PRUNE2: variants seen among roughly 807,000 people sequenced by gnomAD.
PRUNE2 encodes protein prune homolog 2.
In PRUNE2, 164 loss-of-function variants were observed where a neutral mutation model predicts 252.0. The ratio of observed to expected loss-of-function variants is 0.65; its 90% CI spans 0.57 to 0.74. The LOEUF (loss-of-function observed/expected upper bound fraction) is 0.74. Ranked by LOEUF, PRUNE2 falls within the 30% of genes least tolerant of loss-of-function variation. The pLI, the probability that PRUNE2 is intolerant of heterozygous loss-of-function variation, is 0.00. For synonymous variants in PRUNE2, 1,292 were observed against 1,350.2 expected (o/e 0.96, Z 0.94); for missense variants, 3,495 against 3,711.0 (o/e 0.94, Z 1.51).
At chr9:76,701,769 C>T (rs1216440723) in intron 9 of PRUNE2, among the ~76,000 whole-genome samples, 1 of 152,158 alleles carries the variant, frequency 6.6e-6, no homozygotes, top group Non-Finnish European at 1.5e-5. Flanking sequence ...TTCCATTGTC[C>T]TTGTTCCTTT....
At chr9:76,774,450 C>CTTTTTTTTTTTTTTTTTTTTTTT (rs869289049) in intron 6 of PRUNE2, among the ~76,000 whole-genome samples, 2 of 41,402 alleles carry the variant, frequency 4.8e-5, no homozygotes, top group African/African-American at 1.9e-4. Context: ...CAGTTCAACC[C>CTTTTTTTTTTTTTTTTTTTTTTT]TTTTTTTTTT....
chr9:76,896,515 T>C (rs1033188973), intron 1 of PRUNE2, among the ~76,000 whole-genome samples: 1 of 152,222 alleles, frequency 6.6e-6, no homozygotes, highest in African/African-American at 2.4e-5. Context: ...CTGTCCTGAA[T>C]TGTGGAAGGA....
chr9:76,731,324 ATTTT>A (rs1181079797), intron 6 of PRUNE2, among the ~76,000 whole-genome samples: 64 of 106,792 alleles, frequency 6.0e-4, no homozygotes, highest in African/African-American at 1.8e-3. Context: ...ATATATATAT[ATTTT>A]TTTTTTTTTT....
Position 76,709,165 on chromosome 9 carries a change from G to A in PRUNE2, c.3109C>T (p.His1037Tyr), listed in dbSNP as rs747137846. Residue 1037 changes from histidine to tyrosine, a missense_variant, in exon 8 of 19, where the codon CAT (histidine) becomes TAT (tyrosine). By Grantham distance (83) the His-to-Tyr change is moderately conservative. Transcript: ENST00000376718. ...PGNLDMWASPHTDNSSEINTT... is the reference protein window; with the variant it reads ...PGNLDMWASPYTDNSSEINTT... ...TTTATTTCAGAACTGTTATCTGTAT[G>A]AGGTGAAGCCCACATGTCTAGGTTC... The A allele has an allele frequency of 1.9e-6, 3 of 1,613,876 alleles. No individual in the cohort carries two copies. The highest frequency in any genetic ancestry group is 2.2e-5 in the South Asian group (2 of 91,084).
chr9:76,771,809 T>C (rs980688171), intron 6 of PRUNE2, among the ~76,000 whole-genome samples: 64 of 152,308 alleles, frequency 4.2e-4, no homozygotes, highest in Middle Eastern at 3.4e-3. Context: ...CTATACTCCG[T>C]GTACTGCCCA....
chr9:76,666,225 G>A (rs961816018), intron 9 of PRUNE2, among the ~76,000 whole-genome samples: 1 of 152,166 alleles, frequency 6.6e-6, no homozygotes, highest in Non-Finnish European at 1.5e-5. Context: ...GGTAGTGTCA[G>A]TGCCAAGGGA....
At chr9:76,890,179 C>A (rs2062381929) in intron 1 of PRUNE2, among the ~76,000 whole-genome samples, 1 of 152,200 alleles carries the variant, frequency 6.6e-6, no homozygotes, top group Admixed American at 6.5e-5. Flanking sequence ...CAGTTTCCAG[C>A]TCTGCAAACT....
chr9:76,706,170 C>T lies in PRUNE2; in HGVS notation c.6104G>A (p.Trp2035Ter). ...TQLIMKPGSE[W>*]DGSTPSEDSR... is the part of the protein sequence containing the mutation. ...GTCCTCACTTGGGGTAGAGCCATCC[C>T]ATTCAGAGCCTGGCTTCATTATCAG... The change falls in exon 8 of 19, where the codon TGG becomes TAG. Residue 2035 changes from tryptophan to a stop codon, truncating the protein, a stop_gained. Transcript: ENST00000376718. LOFTEE classifies it high-confidence loss of function. The T allele has an allele frequency of 2.5e-6, 4 of 1,613,984 alleles. No individual in the cohort carries two copies. The highest frequency in any genetic ancestry group is 3.4e-6 in the Non-Finnish European group (4 of 1,179,884).
intron 6 of PRUNE2, among the ~76,000 whole-genome samples, chr9:76,782,287 C>T (rs1441573721): frequency 1.3e-5 from 2 of 152,198 alleles, no homozygotes; most frequent in Non-Finnish European, 2.9e-5. Context: ...AGTGACACAA[C>T]TCTCAGAAAG....
chr9:76,639,918 T>C (rs1678170755), intron 12 of PRUNE2, among the ~76,000 whole-genome samples: 1 of 152,196 alleles, frequency 6.6e-6, no homozygotes, highest in Admixed American at 6.5e-5. Flanking sequence ...TGCCCTGTCT[T>C]TTAAGTAAGC....
At chr9:76,646,684 C>T (rs1055821528) in intron 11 of PRUNE2, among the ~76,000 whole-genome samples, 1 of 152,114 alleles carries the variant, frequency 6.6e-6, no homozygotes, top group Non-Finnish European at 1.5e-5. Flanking sequence ...GGTCTCTACT[C>T]CCCCAGAACT....
chr9:76,783,007 T>C (rs1228603136), intron 6 of PRUNE2, among the ~76,000 whole-genome samples: 1 of 152,224 alleles, frequency 6.6e-6, no homozygotes, highest in Non-Finnish European at 1.5e-5. Flanking sequence ...TTACGTGTCA[T>C]TTTCCTTAGG....
intron 1 of PRUNE2, among the ~76,000 whole-genome samples, chr9:76,864,090 A>G (rs2060702033): frequency 6.6e-6 from 1 of 152,236 alleles, no homozygotes; most frequent in Non-Finnish European, 1.5e-5. Flanking sequence ...GTACAAACAC[A>G]CCATGGAATG....
At chr9:76,758,215 A>G (rs990782964) in intron 6 of PRUNE2, among the ~76,000 whole-genome samples, 1 of 152,212 alleles carries the variant, frequency 6.6e-6, no homozygotes, top group South Asian at 2.1e-4. Context: ...GTATTAACGC[A>G]TAAAACTGCA....
chr9:76,763,825 C>A (rs2052016461), intron 6 of PRUNE2, among the ~76,000 whole-genome samples: 1 of 139,420 alleles, frequency 7.2e-6, no homozygotes, highest in Non-Finnish European at 1.6e-5. Flanking sequence ...AGGGAGCTTT[C>A]TTCTGTGTTT....
chr9:76,842,741 AT>A (rs2059459795), intron 4 of PRUNE2, among the ~76,000 whole-genome samples: 1 of 152,236 alleles, frequency 6.6e-6, no homozygotes, highest in African/African-American at 2.4e-5. Context: ...ATCATCACTC[AT>A]CATTAGAGAA....
chr9:76,816,006 C>CA (rs1026547474), intron 6 of PRUNE2, among the ~76,000 whole-genome samples: 17 of 151,768 alleles, frequency 1.1e-4, no homozygotes, highest in African/African-American at 3.9e-4. Flanking sequence ...ACTAAAAATA[C>CA]AAAAAATTAG....
chr9:76,737,025 A>C (rs959010711), intron 6 of PRUNE2: 4 of 152,276 alleles, frequency 2.6e-5, no homozygotes, highest in African/African-American at 9.6e-5. Flanking sequence ...TGGTAAATGG[A>C]GAGGCTACCC....
At chr9:76,643,354 A>C (rs186091945) in intron 12 of PRUNE2, among the ~76,000 whole-genome samples, 18 of 152,354 alleles carry the variant, frequency 1.2e-4, no homozygotes, top group Admixed American at 2.0e-4. Flanking sequence ...ATGAACACAG[A>C]CTACTCTTAC....
Sources: gnomAD v4.1 joint callset for allele counts (sites outside exome capture counted in the v4.1 genomes callset) on GRCh38, gnomAD v4.1.1 for gene constraint, MANE v1.5 for transcripts, NCBI Gene and HGNC (gene_info 2026-07-23, HGNC 2026-07-21) for gene names.